The following CACNA1H variants were observed in gnomAD, a reference collection of about 807,000 sequenced individuals.
CACNA1H encodes the protein calcium voltage-gated channel subunit alpha1 H.
A neutral mutation model predicts 192.5 loss-of-function variants in CACNA1H; 149 were observed. The observed-to-expected ratio is 0.77, with a 90% CI of 0.68 to 0.89. The LOEUF (loss-of-function observed/expected upper bound fraction) is 0.89, where lower values mean the gene tolerates loss of function less well. Among genes scored for constraint, CACNA1H ranks in the 40% least tolerant of loss-of-function variants. CACNA1H has a pLI of 0.00. For synonymous variants in CACNA1H, 2,202 were observed against 1,475.2 expected, an observed-to-expected ratio of 1.49 and a Z score of -11.29; for missense variants, 4,257 against 3,423.5, an observed-to-expected ratio of 1.24 and a Z score of -6.08.
chr16:1,183,540 C>T (rs1284694787), intron 2 of CACNA1H, among the ~76,000 whole-genome samples: 1 of 152,236 alleles, frequency 6.6e-6, no homozygotes, highest in South Asian at 2.1e-4. Flanking sequence ...GCTGCCTTGC[C>T]CTCCCCCTTC....
At chr16:1,169,561 C>T (rs964938858) in intron 2 of CACNA1H, among the ~76,000 whole-genome samples, 1 of 152,236 alleles carries the variant, frequency 6.6e-6, no homozygotes, top group Non-Finnish European at 1.5e-5. Flanking sequence ...CCTCTCCCAC[C>T]GAGAGACACT....
At chr16:1,216,575 C>T (rs1596472709) in intron 30 of CACNA1H, among the ~76,000 whole-genome samples, 1 of 152,346 alleles carries the variant, frequency 6.6e-6, no homozygotes, top group South Asian at 2.1e-4. Flanking sequence ...GGGCCAGAGC[C>T]CCCAGGAAGA....
In CACNA1H at chr16:1,209,211, C is replaced by G; in HGVS notation, c.3543C>G (p.Asp1181Glu). 6.5e-7 allele frequency: 1 copy of G among 1,548,364 alleles called. No homozygotes were observed. The highest frequency in any genetic ancestry group is 8.7e-7 in the Non-Finnish European group (1 of 1,147,600). Residue 1181 changes from aspartate (D) to glutamate (E), a missense_variant, in exon 17 of 35, where the codon GAC (aspartate) becomes GAG (glutamate). By Grantham distance (45) the Asp-to-Glu change is conservative (BLOSUM62 2). Coordinates refer to ENST00000348261, the MANE Select transcript of CACNA1H (RefSeq NM_021098.3). ...GCAGCACCGACGACGAAGCTGAGGA[C>G]GGCAGGGCCGCGCCCGGGCCCCGTG... The part of the protein sequence containing the change: ...GKGSTDDEAE[D>E]GRAAPGPRAT...
intron 2 of CACNA1H, among the ~76,000 whole-genome samples, chr16:1,183,090 G>T (rs1370011712): frequency 1.4e-5 from 2 of 143,190 alleles, no homozygotes; most frequent in Non-Finnish European, 3.0e-5. Context: ...CCAGCAGCAG[G>T]GACTGGGGTG....
chr16:1,177,169 C>T (rs531986449), intron 2 of CACNA1H, among the ~76,000 whole-genome samples: 8 of 152,326 alleles, frequency 5.3e-5, no homozygotes, highest in South Asian at 2.1e-4. Flanking sequence ...AAGGACATCT[C>T]GGACTCTCGG....
At position 1,202,311 on chromosome 16, in the gene CACNA1H, G is replaced by C. The variant is rs1300093195; in HGVS notation, c.1861G>C (p.Val621Leu). The C allele has an allele frequency of 6.3e-7, 1 of 1,583,958 alleles. No homozygotes were observed. Among genetic ancestry groups the C allele is most frequent in the Non-Finnish European group, 8.6e-7 (1 of 1,167,376 alleles). The change falls in exon 9 of 35, where the codon GTG becomes CTG. Residue 621 changes from valine to leucine, a missense_variant. Physicochemically the swap from Val to Leu is conservative, Grantham distance 32. Transcript: ENST00000348261. ...MNYPTILPSG[V>L]GSGKGSTSPG... ...CTACCCCACGATCCTGCCCTCAGGG[G>C]TGGGCAGCGGCAAAGGCAGCACCAG...
intron 11 of CACNA1H, among the ~76,000 whole-genome samples, chr16:1,205,742 G>T (rs1390265451): frequency 2.0e-5 from 3 of 152,210 alleles, no homozygotes; most frequent in Non-Finnish European, 2.9e-5. Flanking sequence ...AGAGAGGGGT[G>T]CAGGGTCTCC....
chr16:1,176,729 C>T (rs1239502862), intron 2 of CACNA1H, among the ~76,000 whole-genome samples: 1 of 152,170 alleles, frequency 6.6e-6, no homozygotes, highest in East Asian at 1.9e-4. Context: ...AGGGGATGCT[C>T]ATGAAGCTCA....
At position 1,208,143 on chromosome 16, in the gene CACNA1H, T is replaced by C; in HGVS notation, c.3285T>C (p.Asp1095=). 2 of 1,585,130 alleles carry C rather than the reference T, an allele frequency of 1.3e-6. No homozygotes were observed. The highest frequency in any genetic ancestry group is 1.7e-6 in the Non-Finnish European group (2 of 1,167,292). ...CCCCCAAGAGCTCACCATTCCTGGA[T>C]GCAGCCCCCAGCCTCCCAGACTCTC... ...MPTPKSSPFL[D]AAPSLPDSRR... is the part of the protein sequence containing the mutation. Residue 1095 remains aspartate, a synonymous_variant, in exon 16 of 35, where the codon GAT becomes GAC. Transcript: ENST00000348261.
chr16:1,186,421 T>C (rs1438953740), intron 2 of CACNA1H, among the ~76,000 whole-genome samples: 1 of 152,048 alleles, frequency 6.6e-6, no homozygotes, highest in Non-Finnish European at 1.5e-5. Flanking sequence ...GGATTCGCCG[T>C]GCAGAAAGCC....
At chr16:1,164,544 C>T (rs1963560338) in intron 2 of CACNA1H, among the ~76,000 whole-genome samples, 1 of 152,222 alleles carries the variant, frequency 6.6e-6, no homozygotes, top group South Asian at 2.1e-4. Flanking sequence ...TGCTAAGTGG[C>T]CATCAGGTGG....
intron 2 of CACNA1H, among the ~76,000 whole-genome samples, chr16:1,189,529 A>G (rs796933905): frequency 6.9e-6 from 1 of 144,148 alleles, no homozygotes; most frequent in African/African-American, 2.6e-5. Flanking sequence ...CGATCCTCCC[A>G]CTTCAGCCTC....
At chr16:1,206,525 T>G in intron 12 of CACNA1H, 1 of 546,596 alleles carries the variant, frequency 1.8e-6, no homozygotes, top group Non-Finnish European at 3.2e-6. Context: ...GGCCGCCAGG[T>G]GGACAAGCTG....
At chr16:1,163,037 C>A (rs897447052) in intron 2 of CACNA1H, among the ~76,000 whole-genome samples, 57 of 152,238 alleles carry the variant, frequency 3.7e-4, no homozygotes, top group African/African-American at 1.3e-3. Flanking sequence ...GGACCTTGGG[C>A]TCGTCTGACT....
chr16:1,153,565 G>A (rs1261169304), intron 1 of CACNA1H, 95 bp downstream of exon 1: 1 of 365,520 alleles, frequency 2.7e-6, no homozygotes, highest in Non-Finnish European at 4.5e-6. Context: ...CCGCTGGAGG[G>A]AGGGAGGGGG....
At chr16:1,195,286 G>T in intron 3 of CACNA1H, 146 bp from the exon 4 acceptor site, 1 of 1,154,444 alleles carries the variant, frequency 8.7e-7, no homozygotes, top group Non-Finnish European at 1.2e-6. Context: ...AGGCGAGGCA[G>T]GGCTCAGTTC....
In CACNA1H at chr16:1,153,725, G is replaced by T. The variant is rs1223713011; in HGVS notation, c.-13G>T. 1.7e-6 allele frequency: 2 copies of T among 1,203,710 alleles called. No individual in the cohort carries two copies. Among genetic ancestry groups the T allele is most frequent in the East Asian group, 7.1e-5 (2 of 28,110 alleles). 74.6% of individuals were successfully genotyped at this position (1,203,710 alleles called of 1,614,324 possible). On this transcript the variant is annotated 5_prime_UTR_variant, in exon 2 of 35. Coordinates refer to ENST00000348261, the MANE Select transcript of CACNA1H (RefSeq NM_021098.3). The stretch of plus-strand genomic sequence containing the variant: ...TCACCCCCTGTCCTCTGCAGGTGCT[G>T]CCGGCCGCCACCATGACCGAGGGCG...
At chr16:1,199,511 C>T (rs894652649) in intron 6 of CACNA1H, among the ~76,000 whole-genome samples, 1 of 148,546 alleles carries the variant, frequency 6.7e-6, no homozygotes, top group South Asian at 2.2e-4. Flanking sequence ...ATATGTCCCA[C>T]CCCCAGTGCT....
intron 31 of CACNA1H, among the ~76,000 whole-genome samples, chr16:1,217,570 C>T (rs1279629681): frequency 6.6e-6 from 1 of 152,230 alleles, no homozygotes; most frequent in Non-Finnish European, 1.5e-5. Flanking sequence ...GTGGCGTTGC[C>T]ACAGTCCAGT....
Sources: gnomAD v4.1 joint callset for allele counts (sites outside exome capture counted in the v4.1 genomes callset) on GRCh38, gnomAD v4.1.1 for gene constraint, MANE v1.5 for transcripts, NCBI Gene and HGNC (gene_info 2026-07-23, HGNC 2026-07-21) for gene names.